Variants in ADGRA2 observed in about 807,000 individuals in gnomAD.
ADGRA2 encodes the protein adhesion G protein-coupled receptor A2.
Under a neutral mutation model 98.7 loss-of-function variants are expected in ADGRA2, and 61 were observed. That is an observed-to-expected ratio of 0.62 (90% CI 0.50 to 0.76). ADGRA2 has a LOEUF of 0.76. Among genes scored for constraint, ADGRA2 ranks in the 30% least tolerant of loss-of-function variants. The pLI is 0.00. For synonymous variants in ADGRA2, 858 were observed against 831.5 expected (o/e 1.03, Z -0.55); for missense variants, 1,712 against 1,860.0 (o/e 0.92, Z 1.46).
intron 14 of ADGRA2, among the ~76,000 whole-genome samples, chr8:37,838,473 A>G (rs959760573): frequency 6.6e-6 from 1 of 151,908 alleles, no homozygotes; most frequent in African/African-American, 2.4e-5. Flanking sequence ...GGCTGATCTC[A>G]AACTCCTGAC....
intron 2 of ADGRA2, among the ~76,000 whole-genome samples, chr8:37,828,140 A>AAAAAC (rs59468651): frequency 0.23 from 34,342 of 151,258 alleles, 4,323 homozygotes; most frequent in Middle Eastern, 0.39. Flanking sequence ...ACCCAGCCTC[A>AAAAAC]AAAACAAAAC....
chr8:37,829,798 A>T, intron 5 of ADGRA2, 53 bp from the exon 6 acceptor site: 1 of 1,558,604 alleles, frequency 6.4e-7, no homozygotes, highest in Non-Finnish European at 8.7e-7. Context: ...CAGGCCACCC[A>T]TGAGCCCACA....
chr8:37,813,472 T>C (rs919363595), intron 1 of ADGRA2, among the ~76,000 whole-genome samples: 10 of 152,200 alleles, frequency 6.6e-5, no homozygotes, highest in Non-Finnish European at 1.0e-4. Context: ...TAACGACTAC[T>C]GTGATGTACT....
intron 1 of ADGRA2, among the ~76,000 whole-genome samples, chr8:37,798,214 C>A (rs1804397174): frequency 6.6e-6 from 1 of 152,234 alleles, no homozygotes; most frequent in African/African-American, 2.4e-5. Context: ...TGTGCTGGGT[C>A]CCGCGTCCTT....
intron 1 of ADGRA2, among the ~76,000 whole-genome samples, chr8:37,800,108 CTCCCCATCAGGAAGGGTT>C (rs1804457704): frequency 6.6e-6 from 1 of 152,164 alleles, no homozygotes; most frequent in African/African-American, 2.4e-5. Flanking sequence ...GATCTGTCTC[CTCCCCATCAGGAAGGGTT>C]ACAGCCAACA....
rs1017214986 is a variant in ADGRA2 at position 37,797,718 on chromosome 8, G to C, written c.266+184G>C. 6.6e-6 allele frequency among the ~76,000 whole-genome samples: 1 copy of C among 152,226 alleles called. No individual in the cohort carries two copies. The highest frequency in any genetic ancestry group is 1.5e-5 in the Non-Finnish European group (1 of 68,034). On this transcript the variant is annotated intron_variant, in intron 1 of 18. Transcript: ENST00000412232. The surrounding 1 kb of genome is among the most constrained non-coding windows in gnomAD (Gnocchi z 5.3). ...CAGGGGAGAGACTGGGGCTCCAGGA[G>C]CGTGGAGGCGGGAAGGGGCTGCGGG...
intron 2 of ADGRA2, among the ~76,000 whole-genome samples, chr8:37,816,152 G>C (rs1259432992): frequency 6.6e-6 from 1 of 152,208 alleles, no homozygotes; most frequent in Non-Finnish European, 1.5e-5. Flanking sequence ...TTGGGGTCTG[G>C]GCGTGGTGGT....
rs1223533738 is a variant in ADGRA2, at chr8:37,842,058, C to T, written c.3720C>T (p.Ala1240=). The T allele has an allele frequency of 1.8e-5, 27 of 1,517,226 alleles. No homozygotes were observed. Among genetic ancestry groups the T allele is most frequent in the Non-Finnish European group, 2.3e-5 (26 of 1,140,128 alleles). 94.0% of individuals were successfully genotyped at this position (1,517,226 alleles called of 1,614,324 possible). ...YLGSSRNSPG[A]GLQLEGEPML... ...GCAGCAGCCGCAACAGCCCGGGCGCCGGCCTGCAGCTGGAAGGCGAGCCCA... is the reference window on the plus strand; with the variant it reads ...GCAGCAGCCGCAACAGCCCGGGCGCTGGCCTGCAGCTGGAAGGCGAGCCCA... Residue 1240 remains alanine, a synonymous_variant, in exon 19 of 19, where the codon GCC becomes GCT. Coordinates refer to ENST00000412232, the MANE Select transcript of ADGRA2 (RefSeq NM_032777.10).
chr8:37,833,214 G>T lies in ADGRA2; in HGVS notation c.1296+6G>T. 6.2e-7 allele frequency: 1 copy of T among 1,603,816 alleles called. No homozygotes were observed. Among genetic ancestry groups the T allele is most frequent in the Non-Finnish European group, 8.5e-7 (1 of 1,175,268 alleles). On this transcript the variant is annotated splice_donor_region_variant and intron_variant, in intron 9 of 18. Transcript: ENST00000412232. ...TGCTGTACACCTTCGTGCTGGTGAG[G>T]AGAGGCTAGGGCACCCCACCAGCTC...
At chr8:37,823,195 T>G (rs1402839276) in intron 2 of ADGRA2, among the ~76,000 whole-genome samples, 1 of 149,966 alleles carries the variant, frequency 6.7e-6, no homozygotes, top group Non-Finnish European at 1.5e-5. Flanking sequence ...CCAACCTTTT[T>G]TTTTTTTTTT....
chr8:37,801,644 T>C (rs1054070242), intron 1 of ADGRA2, among the ~76,000 whole-genome samples: 1 of 152,190 alleles, frequency 6.6e-6, no homozygotes, highest in South Asian at 2.1e-4. Context: ...GCCAGTGTCA[T>C]AAATTCCCAG....
chr8:37,840,037 T>C, intron 16 of ADGRA2, 84 bp from the exon 17 acceptor site: 1 of 1,310,650 alleles, frequency 7.6e-7, no homozygotes, highest in Non-Finnish European at 1.0e-6. Context: ...GCTGGAAGCC[T>C]GGGAGGACAC....
In ADGRA2 at chr8:37,831,537, T is replaced by C; in HGVS notation, c.1047T>C (p.Ser349=). ...KKVEIVVLET[S]ASYCPAERVA... ...TGGAGATCGTGGTGCTGGAGACCTC[T>C]GCCTCCTACTGCCCCGCCGAGCGTG... Residue 349 remains serine (S), a synonymous_variant, in exon 8 of 19, where the codon TCT becomes TCC. Coordinates refer to ENST00000412232, the MANE Select transcript of ADGRA2 (RefSeq NM_032777.10). The C allele has an allele frequency of 6.2e-7, 1 of 1,613,414 alleles. No homozygotes were observed.
Position 37,842,236 on chromosome 8 carries a change from G to T in ADGRA2, c.3898G>T (p.Ala1300Ser), listed in dbSNP as rs779416720. 2 of 1,550,784 alleles carry T rather than the reference G, an allele frequency of 1.3e-6. No individual in the cohort carries two copies. Among genetic ancestry groups the T allele is most frequent in the South Asian group, 1.2e-5 (1 of 84,164 alleles). The change falls in exon 19 of 19, where the codon GCC becomes TCC. Residue 1300 changes from alanine to serine, a missense_variant. Physicochemically the swap from Ala to Ser is moderately conservative, Grantham distance 99. Transcript: ENST00000412232. The part of the protein sequence containing the change: ...SHRRSYPLNA[A>S]SLNGAPKGGK... The stretch of plus-strand genomic sequence containing the variant: ...TCGCCGCTCGTACCCGCTCAACGCC[G>T]CCAGCCTAAACGGCGCCCCCAAGGG...
intron 1 of ADGRA2, among the ~76,000 whole-genome samples, chr8:37,812,153 G>GTGTTGTTGTTGTTGTTGTTGA (rs1554523323): frequency 3.5e-5 from 5 of 142,102 alleles, no homozygotes; most frequent in Non-Finnish European, 6.4e-5. Context: ...ACTTGCAATG[G>GTGTTGTTGTTGTTGTTGTTGA]TGTTGTTGTT....
rs1327316725 is a variant in ADGRA2 at position 37,839,565 on chromosome 8, C to T, written c.2454C>T (p.Thr818=). Residue 818 remains threonine, a synonymous_variant, in exon 16 of 19, where the codon ACC becomes ACT. Coordinates refer to ENST00000412232, the MANE Select transcript of ADGRA2 (RefSeq NM_032777.10). The part of the protein sequence containing the change: ...LLNLCFHIAM[T]SAVFAGGITL... ...ACTTGTGCTTCCACATAGCCATGAC[C>T]TCTGCTGTCTTTGCGGGGGGCATCA... The T allele has an allele frequency of 6.2e-7, 1 of 1,614,156 alleles. No individual in the cohort carries two copies. The highest frequency in any genetic ancestry group is 8.5e-7 in the Non-Finnish European group (1 of 1,180,012).
At chr8:37,821,868 G>T (rs1805136634) in intron 2 of ADGRA2, among the ~76,000 whole-genome samples, 1 of 152,334 alleles carries the variant, frequency 6.6e-6, no homozygotes, top group South Asian at 2.1e-4. Context: ...TGGGGGTGGA[G>T]TGAGGCTTGC....
At position 37,830,633 on chromosome 8, in the gene ADGRA2, CTG is replaced by C; in HGVS notation, c.719-76_719-75del. On this transcript the variant is annotated intron_variant, in intron 6 of 18. Transcript: ENST00000412232. This position sits in a 1 kb window ranked among gnomAD's most constrained non-coding sequence, Gnocchi z 4.8. ...GGGCCCCGCCCCGCCCCACCCCATC[CTG>C]CTGGACTCTCGCTCACACGTGCAGC... is the stretch of plus-strand genomic sequence containing the variant. 1.4e-6 allele frequency: 1 copy of C among 736,758 alleles called. No individual in the cohort carries two copies. The highest frequency in any genetic ancestry group is 2.3e-6 in the Non-Finnish European group (1 of 436,086). 45.6% of individuals were successfully genotyped at this position (736,758 alleles called of 1,614,324 possible).
At chr8:37,810,957 A>C (rs1365189075) in intron 1 of ADGRA2, among the ~76,000 whole-genome samples, 1 of 151,730 alleles carries the variant, frequency 6.6e-6, no homozygotes, top group Non-Finnish European at 1.5e-5. Flanking sequence ...TCTACTAAAA[A>C]AAAAATACAA....
Sources: allele counts gnomAD v4.1 joint callset (sites outside exome capture counted in the v4.1 genomes callset), GRCh38; gene constraint gnomAD v4.1.1; non-coding constraint Gnocchi (gnomAD v3.1); transcripts MANE v1.5; gene names NCBI Gene and HGNC (gene_info 2026-07-23, HGNC 2026-07-21).